Variants in RABGAP1L observed in about 807,000 individuals in gnomAD.
RABGAP1L encodes rab GTPase-activating protein 1-like.
RABGAP1L carries 63 observed loss-of-function variants against 137.7 expected under a neutral mutation model. That is an observed-to-expected ratio of 0.46 (90% CI 0.37 to 0.56). The LOEUF (loss-of-function observed/expected upper bound fraction) is 0.56, where lower values mean the gene tolerates loss of function less well. RABGAP1L is among the 20% of genes least tolerant of loss of function. The pLI, the probability that RABGAP1L is intolerant of heterozygous loss-of-function variation, is 0.00. For synonymous variants in RABGAP1L, 431 were observed against 433.7 expected, an observed-to-expected ratio of 0.99 and a Z score of 0.08; for missense variants, 1,095 against 1,244.0, an observed-to-expected ratio of 0.88 and a Z score of 1.80.
intron 19 of RABGAP1L, among the ~76,000 whole-genome samples, chr1:174,915,762 A>G (rs1032278450): frequency 5.9e-5 from 9 of 152,114 alleles, no homozygotes; most frequent in Admixed American, 1.3e-4. Context: ...GCCTTTGCCC[A>G]TTTTTAAATT....
intron 17 of RABGAP1L, among the ~76,000 whole-genome samples, chr1:174,723,432 ATAT>A (rs1188285654): frequency 6.6e-6 from 1 of 152,178 alleles, no homozygotes; most frequent in African/African-American, 2.4e-5. Context: ...GTGCATCCTA[ATAT>A]TATACTGAGA....
chr1:174,516,120 T>TACACACACACACAC lies in RABGAP1L; in HGVS notation c.1711-121222_1711-121209dup, dbSNP rs61414923. ...AGTCAAGGGATGAAAACTGAAGCTC[T>TACACACACACACAC]ACACACACACACACACACACACACA... is the stretch of plus-strand genomic sequence containing the variant. On this transcript the variant is annotated intron_variant, in intron 13 of 25. Coordinates refer to ENST00000681986, the MANE Select transcript of RABGAP1L (RefSeq NM_001366446.1). 3.9e-3 allele frequency among the ~76,000 whole-genome samples: 520 copies of TACACACACACACAC among 133,292 alleles called. 8 individuals are homozygous for TACACACACACACAC. The highest frequency in any genetic ancestry group is 0.011 in the African/African-American group (374 of 33,900). 87.4% of individuals were successfully genotyped at this position (133,292 alleles called of 152,430 possible). A position where few individuals can be genotyped will look rare whatever the true frequency, so the allele number is the denominator to read the frequency against.
intron 13 of RABGAP1L, among the ~76,000 whole-genome samples, chr1:174,605,929 A>G (rs1175434956): frequency 6.6e-6 from 1 of 152,116 alleles, no homozygotes; most frequent in African/African-American, 2.4e-5. Flanking sequence ...TGATTTCACC[A>G]TTCTTACACT....
At chr1:174,791,570 T>C (rs776218104) in intron 18 of RABGAP1L, among the ~76,000 whole-genome samples, 1 of 152,228 alleles carries the variant, frequency 6.6e-6, no homozygotes, top group Admixed American at 6.5e-5. Flanking sequence ...ATAATTTTAA[T>C]CTGATCAATT....
chr1:174,617,642 T>C (rs1185437196), intron 13 of RABGAP1L, among the ~76,000 whole-genome samples: 2 of 152,214 alleles, frequency 1.3e-5, no homozygotes, highest in African/African-American at 4.8e-5. Flanking sequence ...ATAACCTGAA[T>C]TGGCATAAAA....
chr1:174,344,268 A>C (rs1050398686), intron 11 of RABGAP1L, among the ~76,000 whole-genome samples: 1 of 152,120 alleles, frequency 6.6e-6, no homozygotes, highest in East Asian at 1.9e-4. Context: ...CAACAATAGG[A>C]GTTAGCTTTT....
chr1:174,375,675 C>T (rs1009955690), intron 12 of RABGAP1L, among the ~76,000 whole-genome samples: 1 of 152,128 alleles, frequency 6.6e-6, no homozygotes, highest in African/African-American at 2.4e-5. Flanking sequence ...AACCTGAATA[C>T]TCCTGTATTA....
At chr1:174,317,590 C>G (rs1171534793) in intron 11 of RABGAP1L, among the ~76,000 whole-genome samples, 1 of 152,092 alleles carries the variant, frequency 6.6e-6, no homozygotes, top group East Asian at 1.9e-4. Flanking sequence ...GAGCTGTGAG[C>G]TATGCAGACT....
At chr1:174,511,565 A>G (rs1662342921) in intron 13 of RABGAP1L, among the ~76,000 whole-genome samples, 1 of 151,144 alleles carries the variant, frequency 6.6e-6, no homozygotes, top group Non-Finnish European at 1.5e-5. Flanking sequence ...TTTTGACTCT[A>G]TCAATCTATG....
intron 17 of RABGAP1L, among the ~76,000 whole-genome samples, chr1:174,729,710 A>C (rs1682300022): frequency 6.6e-6 from 1 of 152,248 alleles, no homozygotes; most frequent in Non-Finnish European, 1.5e-5. Context: ...GCCAAAAGAC[A>C]TGAAAAAATG....
chr1:174,320,529 G>A (rs1467035322), intron 11 of RABGAP1L, among the ~76,000 whole-genome samples: 7 of 152,150 alleles, frequency 4.6e-5, no homozygotes, highest in Non-Finnish European at 1.0e-4. Flanking sequence ...ATTGTTGCGG[G>A]AAGTCAGGGA....
intron 1 of RABGAP1L, among the ~76,000 whole-genome samples, chr1:174,189,713 A>C (rs1191128731): frequency 6.6e-6 from 1 of 152,208 alleles, no homozygotes; most frequent in Non-Finnish European, 1.5e-5. Flanking sequence ...TCATGCCTGT[A>C]ATCCTTGTAC....
chr1:174,750,186 T>C (rs766385205), intron 17 of RABGAP1L, among the ~76,000 whole-genome samples: 5 of 152,206 alleles, frequency 3.3e-5, no homozygotes, highest in African/African-American at 7.2e-5. Flanking sequence ...ATCTGCTATG[T>C]GATGCTATAC....
At chr1:174,856,397 TAAAAAA>T (rs150232187) in intron 19 of RABGAP1L, among the ~76,000 whole-genome samples, 1 of 115,220 alleles carries the variant, frequency 8.7e-6, no homozygotes, top group Non-Finnish European at 2.0e-5. Context: ...TCCCTCTCAA[TAAAAAA>T]AAAAAAAAAA....
In RABGAP1L at chr1:174,678,128, A is replaced by G. The variant is rs144706559; in HGVS notation, c.1825-5394A>G. On this transcript the variant is annotated intron_variant, in intron 14 of 25. Coordinates refer to ENST00000681986, the MANE Select transcript of RABGAP1L (RefSeq NM_001366446.1). ...CTATTATGAACGAATTTATGTCAGTAACCTTAACAATTTACATACAAAAGA... is the reference window on the plus strand; with the variant it reads ...CTATTATGAACGAATTTATGTCAGTGACCTTAACAATTTACATACAAAAGA... Among the ~76,000 whole-genome samples, 1,447 of 152,294 alleles carry G rather than the reference A, an allele frequency of 9.5e-3. 23 individuals carry two copies. The highest frequency in any genetic ancestry group is 0.033 in the African/African-American group (1,386 of 41,584).
chr1:174,837,453 G>T (rs1692887416), intron 19 of RABGAP1L, among the ~76,000 whole-genome samples: 1 of 152,124 alleles, frequency 6.6e-6, no homozygotes, highest in African/African-American at 2.4e-5. Context: ...TTATTTTTAT[G>T]ATTGGTAGAG....
intron 19 of RABGAP1L, among the ~76,000 whole-genome samples, chr1:174,825,283 G>A (rs1356976987): frequency 6.6e-6 from 1 of 152,190 alleles, no homozygotes; most frequent in African/African-American, 2.4e-5. Flanking sequence ...TAGTAGTTTA[G>A]GCTAGGAGAA....
At chr1:174,725,169 A>T (rs1346293811) in intron 17 of RABGAP1L, among the ~76,000 whole-genome samples, 2 of 152,192 alleles carry the variant, frequency 1.3e-5, no homozygotes, top group Non-Finnish European at 2.9e-5. Flanking sequence ...ATTGAAGGGG[A>T]TAAGGAGACC....
intron 14 of RABGAP1L, among the ~76,000 whole-genome samples, chr1:174,658,570 A>AC (rs1161019299): frequency 6.6e-6 from 1 of 151,966 alleles, no homozygotes; most frequent in African/African-American, 2.4e-5. Context: ...TACCCTCCTT[A>AC]CCATAGTAAG....
Sources: gnomAD v4.1 joint callset for allele counts (sites outside exome capture counted in the v4.1 genomes callset) on GRCh38, gnomAD v4.1.1 for gene constraint, MANE v1.5 for transcripts, NCBI Gene and HGNC (gene_info 2026-07-23, HGNC 2026-07-21) for gene names.